SNX14: variants seen among roughly 807,000 people sequenced by gnomAD.
SNX14 encodes the protein sorting nexin 14.
Under a neutral mutation model 133.8 loss-of-function variants are expected in SNX14, and 93 were observed. That is an observed-to-expected ratio of 0.70 (90% CI 0.59 to 0.83). The LOEUF is 0.83. Among genes scored for constraint, SNX14 ranks in the 40% least tolerant of loss-of-function variants. The probability of loss-of-function intolerance (pLI) is 0.00; values close to 1 mark genes in which losing one functional copy is unlikely to be tolerated. For missense variants in SNX14, 945 were observed against 1,094.9 expected (o/e 0.86, Z 1.93); for synonymous variants, 368 against 365.6 (o/e 1.01, Z -0.07).
At chr6:85,513,961 T>G in intron 25 of SNX14, 66 bp from the exon 26 acceptor site, 3 of 1,551,066 alleles carry the variant, frequency 1.9e-6, no homozygotes, top group Non-Finnish European at 2.6e-6. Flanking sequence ...GATTTCCTCA[T>G]AGTAGAAATA....
intron 21 of SNX14, 118 bp downstream of exon 21, chr6:85,526,008 C>A: frequency 1.8e-6 from 1 of 557,586 alleles, no homozygotes; most frequent in Admixed American, 4.1e-5. Flanking sequence ...TCTCTAAATG[C>A]AGAAATAAGG....
intron 23 of SNX14, among the ~76,000 whole-genome samples, chr6:85,516,469 AG>A (rs1775028502): frequency 6.6e-6 from 1 of 152,110 alleles, no homozygotes; most frequent in African/African-American, 2.4e-5. Context: ...ACAAAACTGG[AG>A]GCCTAGATGA....
chr6:85,507,123 G>C, intron 28 of SNX14, 110 bp downstream of exon 28: 2 of 987,734 alleles, frequency 2.0e-6, no homozygotes, highest in Non-Finnish European at 3.0e-6. Context: ...ATTTTTTAAA[G>C]AACCACAGAG....
intron 12 of SNX14, among the ~76,000 whole-genome samples, chr6:85,545,028 TGAC>T (rs1262991740): frequency 6.6e-6 from 1 of 152,164 alleles, no homozygotes; most frequent in East Asian, 1.9e-4. Flanking sequence ...TTAAAATACA[TGAC>T]AACAGGAGCA....
intron 26 of SNX14, among the ~76,000 whole-genome samples, chr6:85,509,718 G>A (rs1772120151): frequency 6.6e-6 from 1 of 152,032 alleles, no homozygotes; most frequent in South Asian, 2.1e-4. Flanking sequence ...TTCGTTCTTG[G>A]TGTTGTACGT....
intron 26 of SNX14, among the ~76,000 whole-genome samples, chr6:85,509,674 C>G (rs952138535): frequency 6.6e-6 from 1 of 152,130 alleles, no homozygotes; most frequent in Non-Finnish European, 1.5e-5. Context: ...ATTGGTACAT[C>G]ATTATTACCC....
At chr6:85,510,277 A>G (rs1772341606) in intron 26 of SNX14, among the ~76,000 whole-genome samples, 1 of 152,184 alleles carries the variant, frequency 6.6e-6, no homozygotes, top group Non-Finnish European at 1.5e-5. Flanking sequence ...AGAATTCCAC[A>G]TGTTCACCAG....
At position 85,574,273 on chromosome 6, in the gene SNX14, T is replaced by C. The variant is rs1373036249; in HGVS notation, c.246A>G (p.Ile82Met). 2 of 1,587,062 alleles carry C rather than the reference T, an allele frequency of 1.3e-6. No individual in the cohort carries two copies. The highest frequency in any genetic ancestry group is 2.3e-5 in the East Asian group (1 of 44,384). ...DSLLPNIFFT[I>M]KYKPKQLGLQ... ...ATAATTTTACCTTGGGTTTGTATTTTATTGTGAAGAATATATTTGGTAAGA... is the reference window on the plus strand; with the variant it reads ...ATAATTTTACCTTGGGTTTGTATTTCATTGTGAAGAATATATTTGGTAAGA... The change falls in exon 2 of 29, where the codon ATA becomes ATG. Residue 82 changes from isoleucine (I) to methionine (M), a missense_variant. Around this residue, in one of 3 missense-constraint regions of SNX14, gnomAD observed 514 missense variants for 538.8 expected, o/e 0.95. Transcript: ENST00000314673.
Position 85,543,278 on chromosome 6 carries a change from CACA to C in SNX14, c.1290_1292del (p.Val431del), listed in dbSNP as rs1784377006. On this transcript the variant is annotated inframe_deletion, in exon 14 of 29. Coordinates refer to ENST00000314673, the MANE Select transcript of SNX14 (RefSeq NM_153816.6). ...AAAGACATCTCATAGTTTGAAGTTT[CACA>C]ACATCTATGTATGGGCCTTCAGCAA... 2.5e-6 allele frequency: 4 copies of C among 1,592,558 alleles called. No individual in the cohort carries two copies. Among genetic ancestry groups the C allele is most frequent in the Admixed American group, 1.8e-5 (1 of 55,112 alleles).
At chr6:85,513,991 C>T in intron 25 of SNX14, 79 bp downstream of exon 25, 3 of 1,559,450 alleles carry the variant, frequency 1.9e-6, no homozygotes, top group Non-Finnish European at 2.6e-6. Context: ...CAAAGCAAAA[C>T]AAGATTTCTT....
intron 1 of SNX14, among the ~76,000 whole-genome samples, chr6:85,578,051 G>T (rs1372117525): frequency 6.6e-6 from 1 of 152,072 alleles, no homozygotes; most frequent in Non-Finnish European, 1.5e-5. Context: ...GAGGGGGAGA[G>T]TAAGTTAAGG....
chr6:85,509,452 C>G (rs183369894), intron 26 of SNX14, among the ~76,000 whole-genome samples: 558 of 152,142 alleles, frequency 3.7e-3, no homozygotes, highest in Admixed American at 6.5e-3. Context: ...AAGAGCAGAA[C>G]TATTCTAAGG....
Position 85,572,368 on chromosome 6 carries a change from C to T in SNX14, c.268G>A (p.Gly90Arg), listed in dbSNP as rs765869266. The change falls in exon 3 of 29, where the codon GGA (glycine) becomes AGA (arginine). Residue 90 changes from glycine (G) to arginine (R), a missense_variant. Gly to Arg is a moderately radical substitution (Grantham distance 125). This residue lies in a region of SNX14 where 514 missense variants were observed against 538.8 expected (regional missense o/e 0.95). Coordinates refer to ENST00000314673, the MANE Select transcript of SNX14 (RefSeq NM_153816.6). ...CCTTGAGGAAATAATTCCTGAAGTC[C>T]TAACTGCTAAAAAAGGAAAATGAGA... ...FTIKYKPKQL[G>R]LQELFPQGHS... The T allele has an allele frequency of 4.0e-5, 65 of 1,610,764 alleles. 1 individual carries two copies. In the Admixed American group the frequency reaches 9.9e-4, roughly 25 times the overall value.
chr6:85,561,624 A>G (rs1582940557), intron 6 of SNX14, among the ~76,000 whole-genome samples: 1 of 152,282 alleles, frequency 6.6e-6, no homozygotes, highest in African/African-American at 2.4e-5. Flanking sequence ...GCTACATGCA[A>G]TAGAAAAAGA....
intron 1 of SNX14, among the ~76,000 whole-genome samples, chr6:85,575,097 G>A (rs1369550050): frequency 6.6e-6 from 1 of 152,186 alleles, no homozygotes; most frequent in African/African-American, 2.4e-5. Flanking sequence ...GCTTAGGTCT[G>A]TGTGAGCACA....
At chr6:85,511,089 TTTAA>T (rs1383635966) in intron 26 of SNX14, among the ~76,000 whole-genome samples, 4 of 152,108 alleles carry the variant, frequency 2.6e-5, no homozygotes, top group Non-Finnish European at 4.4e-5. Context: ...CTTTGATTTC[TTTAA>T]TTAAAGTTTT....
At position 85,593,813 on chromosome 6, in the gene SNX14, G is replaced by A. The variant is rs938960655; in HGVS notation, c.-95C>T. ...CTCGCGTCCCCGCCCCACCGACTTG[G>A]CGGCGCACACAGACGCCTACCGGCA... On this transcript the variant is annotated 5_prime_UTR_variant, in exon 1 of 29. Transcript: ENST00000314673. 4.4e-5 allele frequency: 69 copies of A among 1,575,520 alleles called. No individual in the cohort carries two copies. Among genetic ancestry groups the A allele is most frequent in the Middle Eastern group, 1.7e-4 (1 of 5,900 alleles).
In SNX14 at chr6:85,547,137, G is replaced by A. The variant is rs750529330; in HGVS notation, c.1083C>T (p.His361=). ...CCACAGTCAAACAAAACTGCAACACGTGCACTGCGCCTTCTTGTTTCAGAA... is the reference window on the plus strand; with the variant it reads ...CCACAGTCAAACAAAACTGCAACACATGCACTGCGCCTTCTTGTTTCAGAA... ...MNFLKQEGAV[H]VLQFCLTVEE... Residue 361 remains histidine, a synonymous_variant, in exon 12 of 29, where the codon CAC becomes CAT. Coordinates refer to ENST00000314673, the MANE Select transcript of SNX14 (RefSeq NM_153816.6). 2.4e-5 allele frequency: 39 copies of A among 1,613,702 alleles called. No homozygotes were observed. Among genetic ancestry groups the A allele is most frequent in the East Asian group, 4.5e-5 (2 of 44,876 alleles).
In SNX14 at chr6:85,542,133, GA is replaced by G. The variant is rs879732397; in HGVS notation, c.1390-91del. The G allele has an allele frequency of 0.075, 47,589 of 638,410 alleles. 10 individuals carry two copies. Among genetic ancestry groups the G allele is most frequent in the South Asian group, 0.11 (3,633 of 32,080 alleles). 39.5% of individuals were successfully genotyped at this position (638,410 alleles called of 1,614,324 possible). On this transcript the variant is annotated intron_variant, in intron 14 of 28. Transcript: ENST00000314673. ...TTAGTTTACTACTTTCCAGTTTTGGGAAAAAAAAAAAGCTATCTCAATCAAG... is the reference window on the plus strand; with the variant it reads ...TTAGTTTACTACTTTCCAGTTTTGGGAAAAAAAAAAGCTATCTCAATCAAG...
Sources: allele counts gnomAD v4.1 joint callset (sites outside exome capture counted in the v4.1 genomes callset), GRCh38; gene constraint gnomAD v4.1.1; regional missense constraint gnomAD v4.1.1; transcripts MANE v1.5; gene names NCBI Gene and HGNC (gene_info 2026-07-23, HGNC 2026-07-21).